The following RNF14 variants were observed in gnomAD, a reference collection of about 807,000 sequenced individuals.
RNF14 encodes the protein E3 ubiquitin-protein ligase RNF14.
RNF14 carries 26 observed loss-of-function variants against 52.6 expected under a neutral mutation model. The ratio of observed to expected loss-of-function variants is 0.49; its 90% confidence interval spans 0.36 to 0.69. The LOEUF (loss-of-function observed/expected upper bound fraction) is 0.69, where lower values mean the gene tolerates loss of function less well. RNF14 is among the 30% of genes least tolerant of loss of function. RNF14 has a pLI of 0.00. For synonymous variants in RNF14, 194 were observed against 202.0 expected (o/e 0.96, Z 0.34); for missense variants, 404 against 560.4 (o/e 0.72, Z 2.82).
At chr5:141,971,159 A>G (rs934306827) in intron 2 of RNF14, among the ~76,000 whole-genome samples, 5 of 152,196 alleles carry the variant, frequency 3.3e-5, no homozygotes, top group Non-Finnish European at 7.4e-5. Flanking sequence ...TGATTTTTGT[A>G]AATTCTCATT....
At chr5:141,958,200 T>G, upstream of RNF14, 2 of 232,138 alleles carry the variant, frequency 8.6e-6, no homozygotes, top group Non-Finnish European at 1.7e-5. Context: ...AAACAGTTGC[T>G]AGGCTGGGGA....
At chr5:141,984,688 C>G in intron 7 of RNF14, 115 bp from the exon 8 acceptor site, 4 of 885,404 alleles carry the variant, frequency 4.5e-6, no homozygotes, top group Non-Finnish European at 7.2e-6. Context: ...ATATCTCAAC[C>G]CTGCATAAGA....
At chr5:141,982,386 A>G (rs1304222173) in intron 6 of RNF14, among the ~76,000 whole-genome samples, 2 of 152,206 alleles carry the variant, frequency 1.3e-5, no homozygotes, top group Non-Finnish European at 2.9e-5. Context: ...CAGAGAAAGA[A>G]TTCACAGGTG....
At chr5:141,954,952 G>A, upstream of RNF14, 2 of 1,595,274 alleles carry the variant, frequency 1.3e-6, no homozygotes, top group Non-Finnish European at 1.7e-6. Context: ...CAGAGAAAGA[G>A]CTGCCCATGC....
intron 8 of RNF14, among the ~76,000 whole-genome samples, chr5:141,985,632 T>C (rs1393717854): frequency 6.6e-6 from 1 of 152,150 alleles, no homozygotes; most frequent in Non-Finnish European, 1.5e-5. Flanking sequence ...CTCGGCTCAC[T>C]GCAAGCTCCG....
At chr5:141,971,616 C>T (rs1223133560) in intron 2 of RNF14, among the ~76,000 whole-genome samples, 9 of 100,570 alleles carry the variant, frequency 8.9e-5, no homozygotes, top group South Asian at 3.3e-4. Context: ...TCTTTCCTTT[C>T]TTTCTTCTTT....
chr5:141,955,597 C>T, upstream of RNF14: 1 of 1,614,154 alleles, frequency 6.2e-7, no homozygotes, highest in Non-Finnish European at 8.5e-7. The surrounding 1 kb of genome is among the most constrained non-coding windows in gnomAD (Gnocchi z 5.5). Context: ...GGCCTCCCGA[C>T]AGTTGTAGGC....
At chr5:141,973,083 A>G (rs1753931319) in intron 2 of RNF14, among the ~76,000 whole-genome samples, 1 of 152,228 alleles carries the variant, frequency 6.6e-6, no homozygotes, top group South Asian at 2.1e-4. Context: ...AAGTACCACA[A>G]CCATCCCTTT....
chr5:141,976,149 C>T (rs754912583), intron 4 of RNF14, among the ~76,000 whole-genome samples: 1 of 152,178 alleles, frequency 6.6e-6, no homozygotes, highest in African/African-American at 2.4e-5. Context: ...ACTTTACATT[C>T]TAATGTCTGT....
At position 141,979,233 on chromosome 5, in the gene RNF14, G is replaced by GTGT. The variant is rs1360812561; in HGVS notation, c.834+429_834+431dup. ...AGTACAGCCTACTTAGGTGGTGGTG[G>GTGT]TGTTGTTGTTGTTGTTGTTGTTGTT... On this transcript the variant is annotated intron_variant, in intron 5 of 8. Coordinates refer to ENST00000394520, the MANE Select transcript of RNF14 (RefSeq NM_004290.5). Among the ~76,000 whole-genome samples the GTGT allele has an allele frequency of 2.5e-3, 380 of 150,728 alleles. 2 individuals are homozygous for GTGT. Among genetic ancestry groups the GTGT allele is most frequent in the African/African-American group, 8.0e-3 (330 of 41,276 alleles).
chr5:141,955,901 G>C (rs1753174154), upstream of RNF14: 1 of 1,614,200 alleles, frequency 6.2e-7, no homozygotes, highest in Non-Finnish European at 8.5e-7. This position sits in a 1 kb window ranked among gnomAD's most constrained non-coding sequence, Gnocchi z 5.5. Flanking sequence ...CCCGTATGAG[G>C]GTTGAGGATG....
chr5:141,954,220 C>T (rs535395153), upstream of RNF14, among the ~76,000 whole-genome samples: 5 of 152,314 alleles, frequency 3.3e-5, no homozygotes, highest in African/African-American at 1.2e-4. Context: ...CTGCTAAGTT[C>T]TAAGGTAATT....
chr5:141,963,587 G>A (rs115956766), upstream of RNF14, among the ~76,000 whole-genome samples: 317 of 152,268 alleles, frequency 2.1e-3, no homozygotes, highest in African/African-American at 7.3e-3. Context: ...CACCCTGGAG[G>A]AAGCCTAGAT....
upstream of RNF14, among the ~76,000 whole-genome samples, chr5:141,965,916 A>C (rs1484316525): frequency 6.6e-6 from 1 of 150,504 alleles, no homozygotes; most frequent in Non-Finnish European, 1.5e-5. Flanking sequence ...TGTACAACAA[A>C]CCCCCGTGAC....
At position 141,972,873 on chromosome 5, in the gene RNF14, G is replaced by T. The variant is rs141423024; in HGVS notation, c.-6-710G>T. Among the ~76,000 whole-genome samples the T allele has an allele frequency of 1.7e-3, 266 of 152,240 alleles. 3 individuals carry two copies. The highest frequency in any genetic ancestry group is 5.4e-3 in the African/African-American group (226 of 41,544). On this transcript the variant is annotated intron_variant, in intron 2 of 8. Coordinates refer to ENST00000394520, the MANE Select transcript of RNF14 (RefSeq NM_004290.5). ...ACCAAAGTGTTGGGATTACAGGCAC[G>T]AGCCACCGCGCCTGGCAAATTAACT... is the stretch of plus-strand genomic sequence containing the variant.
At chr5:141,972,902 G>A (rs1753913834) in intron 2 of RNF14, among the ~76,000 whole-genome samples, 1 of 152,036 alleles carries the variant, frequency 6.6e-6, no homozygotes, top group Non-Finnish European at 1.5e-5. Context: ...ATTAACTTAA[G>A]AAAGGAGTGT....
At position 141,983,410 on chromosome 5, in the gene RNF14, T is replaced by C; in HGVS notation, c.1094T>C (p.Leu365Pro). 1 of 1,613,452 alleles carries C rather than the reference T, an allele frequency of 6.2e-7. No individual in the cohort carries two copies. Among genetic ancestry groups the C allele is most frequent in the Non-Finnish European group, 8.5e-7 (1 of 1,179,792 alleles). The stretch of plus-strand genomic sequence containing the variant: ...TTAATGGACTTACGAAATGAATACC[T>C]GCAAGCGGATGAGGCTAATAAAAGA... ...EKLMDLRNEY[L>P]QADEANKRLL... The change falls in exon 7 of 9, where the codon CTG becomes CCG. Residue 365 changes from leucine to proline, a missense_variant. Transcript: ENST00000394520.
upstream of RNF14, among the ~76,000 whole-genome samples, chr5:141,965,581 CT>C (rs1017150447): frequency 2.6e-5 from 4 of 152,178 alleles, no homozygotes; most frequent in Non-Finnish European, 5.9e-5. Context: ...ACAAAAAACC[CT>C]TATTCTCTGA....
chr5:141,956,740 CTG>C, upstream of RNF14: 1 of 1,614,260 alleles, frequency 6.2e-7, no homozygotes, highest in Non-Finnish European at 8.5e-7. Flanking sequence ...AGCAATAAAA[CTG>C]TCCTTGGGAA....
Sources: gnomAD v4.1 joint callset for allele counts (sites outside exome capture counted in the v4.1 genomes callset) on GRCh38, gnomAD v4.1.1 for gene constraint, Gnocchi (gnomAD v3.1) non-coding constraint, MANE v1.5 for transcripts, NCBI Gene and HGNC (gene_info 2026-07-23, HGNC 2026-07-21) for gene names.